Variants in TMEM108 observed in about 807,000 individuals in gnomAD.
TMEM108 encodes transmembrane protein 108.
Under a neutral mutation model 35.1 loss-of-function variants are expected in TMEM108, and 12 were observed. That is an observed-to-expected ratio of 0.34 (90% confidence interval 0.22 to 0.55). The LOEUF is 0.55. Among genes scored for constraint, TMEM108 ranks in the 20% least tolerant of loss-of-function variants. The pLI, the probability that TMEM108 is intolerant of heterozygous loss-of-function variation, is 0.89. For missense variants in TMEM108, 680 were observed against 753.3 expected (o/e 0.90, Z 1.14); for synonymous variants, 287 against 308.6 (o/e 0.93, Z 0.73).
At chr3:133,305,518 AT>A (rs1376428399) in intron 3 of TMEM108, among the ~76,000 whole-genome samples, 1 of 151,158 alleles carries the variant, frequency 6.6e-6, no homozygotes, top group African/African-American at 2.5e-5. Flanking sequence ...GTATAATAAA[AT>A]AAATAAATAA....
chr3:133,259,430 T>G (rs899247614), intron 3 of TMEM108, among the ~76,000 whole-genome samples: 1 of 152,222 alleles, frequency 6.6e-6, no homozygotes, highest in African/African-American at 2.4e-5. Flanking sequence ...GTGGAGTACC[T>G]ACAAAGTGCA....
intron 3 of TMEM108, among the ~76,000 whole-genome samples, chr3:133,303,923 T>G (rs1437113208): frequency 1.3e-5 from 2 of 152,200 alleles, no homozygotes; most frequent in African/African-American, 4.8e-5. Context: ...GGGGCTTTCC[T>G]TTTCCTAGGC....
chr3:133,149,405 A>T (rs143536862), intron 2 of TMEM108, among the ~76,000 whole-genome samples: 1 of 152,226 alleles, frequency 6.6e-6, no homozygotes, highest in South Asian at 2.1e-4. Flanking sequence ...AATTTTAAGT[A>T]TACAATACAT....
chr3:133,205,719 C>T (rs1945742793), intron 2 of TMEM108, among the ~76,000 whole-genome samples: 1 of 152,142 alleles, frequency 6.6e-6, no homozygotes, highest in Non-Finnish European at 1.5e-5. Flanking sequence ...TTCTTTCTGG[C>T]TGCCCTTCAC....
rs978986870 is a variant in TMEM108, at chr3:133,388,654, C to G, written c.1451-1526C>G. The G allele has an allele frequency of 1.6e-5, 16 of 985,274 alleles. No homozygotes were observed. The South Asian group carries it at 7.5e-4, about 46-fold the overall frequency. 61.0% of individuals were successfully genotyped at this position (985,274 alleles called of 1,614,324 possible). On this transcript the variant is annotated intron_variant, in intron 4 of 5. Transcript: ENST00000321871. ...AAATTAGAAGTCTTTTTGATCAAAG[C>G]AGATAAGATAAAGTAGAAACTTACC...
intron 3 of TMEM108, among the ~76,000 whole-genome samples, chr3:133,255,143 G>A (rs566457694): frequency 6.6e-6 from 1 of 152,254 alleles, no homozygotes; most frequent in East Asian, 1.9e-4. Flanking sequence ...GAGATTACAT[G>A]GCCTAGCCAG....
intron 2 of TMEM108, among the ~76,000 whole-genome samples, chr3:133,116,749 T>C (rs1944292572): frequency 6.6e-6 from 1 of 152,112 alleles, no homozygotes; most frequent in Non-Finnish European, 1.5e-5. Flanking sequence ...CAAAGGAAAA[T>C]ATATCTGTAT....
At chr3:133,236,598 C>T (rs1946240990) in intron 3 of TMEM108, among the ~76,000 whole-genome samples, 1 of 152,086 alleles carries the variant, frequency 6.6e-6, no homozygotes, top group Non-Finnish European at 1.5e-5. Context: ...ATCTGCTTCT[C>T]ATGTGATCTC....
At chr3:133,107,930 C>T (rs1944175921) in intron 2 of TMEM108, among the ~76,000 whole-genome samples, 1 of 152,080 alleles carries the variant, frequency 6.6e-6, no homozygotes. Context: ...TGACAGATCT[C>T]CTATAAAAAT....
intron 2 of TMEM108, among the ~76,000 whole-genome samples, chr3:133,102,238 G>A (rs1944098041): frequency 6.6e-6 from 1 of 152,216 alleles, no homozygotes; most frequent in Non-Finnish European, 1.5e-5. Flanking sequence ...GTACTGGTGA[G>A]CGCATCTTTC....
intron 2 of TMEM108, among the ~76,000 whole-genome samples, chr3:133,162,533 G>C (rs1027424803): frequency 2.6e-5 from 4 of 152,144 alleles, no homozygotes; most frequent in African/African-American, 9.7e-5. Context: ...TCTCTGAATT[G>C]TTTCTCCAGT....
rs117329621 is a variant in TMEM108, at chr3:133,389,879, G to A, written c.1451-301G>A. On this transcript the variant is annotated intron_variant, in intron 4 of 5. Coordinates refer to ENST00000321871, the MANE Select transcript of TMEM108 (RefSeq NM_023943.4). ...TTCTATGTCCTTGGAACCATGCCTG[G>A]GACGTAAGTCCTATATAACTATTAA... 6.0e-4 allele frequency among the ~76,000 whole-genome samples: 91 copies of A among 151,872 alleles called. 1 individual carries two copies. In the East Asian group the frequency reaches 0.017, roughly 29 times the overall value.
intron 2 of TMEM108, among the ~76,000 whole-genome samples, chr3:133,109,888 T>G (rs939559460): frequency 6.6e-6 from 1 of 152,154 alleles, no homozygotes; most frequent in Non-Finnish European, 1.5e-5. Flanking sequence ...TGACCTTAGT[T>G]TTGGTGCAAC....
intron 3 of TMEM108, among the ~76,000 whole-genome samples, chr3:133,249,988 G>T (rs1402634759): frequency 1.3e-5 from 2 of 152,002 alleles, no homozygotes; most frequent in East Asian, 3.9e-4. Context: ...TGTTGCCCAG[G>T]CTGGCCTAGA....
intron 3 of TMEM108, among the ~76,000 whole-genome samples, chr3:133,233,417 A>G (rs1946185760): frequency 6.6e-6 from 1 of 152,186 alleles, no homozygotes; most frequent in South Asian, 2.1e-4. Flanking sequence ...TATGTGCCAC[A>G]TTTTCTTAAT....
intron 2 of TMEM108, among the ~76,000 whole-genome samples, chr3:133,201,609 A>G (rs1267298253): frequency 6.6e-6 from 1 of 152,138 alleles, no homozygotes; most frequent in Non-Finnish European, 1.5e-5. Flanking sequence ...CTTCAGCCAT[A>G]TCCCTGTGAA....
chr3:133,149,541 T>G (rs1944768001), intron 2 of TMEM108, among the ~76,000 whole-genome samples: 1 of 152,232 alleles, frequency 6.6e-6, no homozygotes, highest in Non-Finnish European at 1.5e-5. Flanking sequence ...CACTCTACTC[T>G]GTTTCTATGA....
intron 2 of TMEM108, among the ~76,000 whole-genome samples, chr3:133,073,526 A>ATATATATATATATT (rs1195384146): frequency 1.2e-3 from 141 of 116,594 alleles, no homozygotes; most frequent in South Asian, 5.0e-3. Flanking sequence ...ATATATATAT[A>ATATATATATATATT]TATATATATC....
intron 2 of TMEM108, among the ~76,000 whole-genome samples, chr3:133,193,517 T>C (rs1945530660): frequency 6.6e-6 from 1 of 152,184 alleles, no homozygotes; most frequent in East Asian, 1.9e-4. Context: ...ATGGCTCTGC[T>C]TTATGACCCT....
Sources: gnomAD v4.1 joint callset for allele counts (sites outside exome capture counted in the v4.1 genomes callset) on GRCh38, gnomAD v4.1.1 for gene constraint, MANE v1.5 for transcripts, NCBI Gene and HGNC (gene_info 2026-07-23, HGNC 2026-07-21) for gene names.